TNRC18: variants seen among roughly 807,000 people sequenced by gnomAD.
TNRC18 encodes the protein trinucleotide repeat containing 18, also known as trinucleotide repeat-containing gene 18 protein.
A neutral mutation model predicts 226.7 loss-of-function variants in TNRC18; 69 were observed. The ratio of observed to expected loss-of-function variants is 0.30; its 90% CI spans 0.25 to 0.37. The LOEUF (loss-of-function observed/expected upper bound fraction) is 0.37. Ranked by LOEUF, TNRC18 falls within the 10% of genes least tolerant of loss-of-function variation. TNRC18 has a pLI of 1.00. For missense variants in TNRC18, 4,754 were observed against 4,256.6 expected, an observed-to-expected ratio of 1.12 and a Z score of -3.25; for synonymous variants, 2,449 against 1,927.6, an observed-to-expected ratio of 1.27 and a Z score of -7.09.
chr7:5,344,466 A>G (rs1336027951), intron 18 of TNRC18, among the ~76,000 whole-genome samples: 2 of 152,012 alleles, frequency 1.3e-5, no homozygotes, highest in African/African-American at 4.8e-5. Flanking sequence ...AGGGCATGAG[A>G]GCGAGGAGGG....
intron 11 of TNRC18, among the ~76,000 whole-genome samples, chr7:5,364,745 G>C (rs925451706): frequency 1.3e-5 from 2 of 149,980 alleles, no homozygotes; most frequent in Non-Finnish European, 3.0e-5. Context: ...CAGAGGTTGC[G>C]GGGAGGCATG....
intron 19 of TNRC18, 192 bp from the exon 20 acceptor site, chr7:5,325,440 T>C (rs1454449263): frequency 6.6e-6 from 4 of 605,864 alleles, no homozygotes; most frequent in Non-Finnish European, 1.1e-5. Context: ...TTTTTTTTTT[T>C]TGAGACGGAG....
Position 5,388,986 on chromosome 7 carries a change from C to G in TNRC18, c.838G>C (p.Val280Leu). 1.5e-6 allele frequency: 2 copies of G among 1,374,346 alleles called. No homozygotes were observed. Among genetic ancestry groups the G allele is most frequent in the South Asian group, 1.4e-5 (1 of 69,412 alleles). 85.1% of individuals were successfully genotyped at this position (1,374,346 alleles called of 1,614,324 possible). A position where few individuals can be genotyped will look rare whatever the true frequency, so the allele number is the denominator to read the frequency against. ...GCGCCGCCGTTGCACATGGTCAGTA[C>G]CGACGGCTGCAGCGCCGCATTCTTG... ...KTKNAALQPS[V>L]LTMCNGGAGD... The change falls in exon 5 of 30, where the codon GTA becomes CTA. Residue 280 changes from valine to leucine, a missense_variant. Physicochemically the swap from Val to Leu is conservative, Grantham distance 32 (BLOSUM62 1). Transcript: ENST00000430969.
chr7:5,413,987 C>G (rs1195105999), intron 2 of TNRC18, among the ~76,000 whole-genome samples: 1 of 152,204 alleles, frequency 6.6e-6, no homozygotes, highest in Admixed American at 6.5e-5. Flanking sequence ...GAGTCTCATT[C>G]TGTCTCCCAG....
chr7:5,334,031 G>A (rs1469303319), intron 18 of TNRC18, among the ~76,000 whole-genome samples: 2 of 152,160 alleles, frequency 1.3e-5, no homozygotes, highest in African/African-American at 2.4e-5. Flanking sequence ...CAGGACAGGG[G>A]CTCCAAGGTG....
chr7:5,313,035 G>A lies in TNRC18; in HGVS notation c.7856C>T (p.Ser2619Leu), dbSNP rs1390046805. 5 of 705,506 alleles carry A rather than the reference G, an allele frequency of 7.1e-6. No homozygotes were observed. Among genetic ancestry groups the A allele is most frequent in the Non-Finnish European group, 4.5e-6 (2 of 445,028 alleles). The allele number at this position is 705,506 out of a possible 1,614,324, so 43.7% of individuals were successfully genotyped here. ...AASPASSSSS[S>L]SSSSSSSSSS... ...GGAGGAGGAGGAGGAGGAGGAGGATGAGGAGGAGGAGGAGGAGGCCGGTGA... is the reference window on the plus strand; with the variant it reads ...GGAGGAGGAGGAGGAGGAGGAGGATAAGGAGGAGGAGGAGGAGGCCGGTGA... The change falls in exon 27 of 30, where the codon TCA becomes TTA. Residue 2619 changes from serine (S) to leucine (L), a missense_variant. By Grantham distance (145) the Ser-to-Leu change is moderately radical. Coordinates refer to ENST00000430969, the MANE Select transcript of TNRC18 (RefSeq NM_001080495.3).
Position 5,313,426 on chromosome 7 carries a change from C to A in TNRC18, c.7465G>T (p.Ala2489Ser). 1.2e-6 allele frequency: 2 copies of A among 1,607,646 alleles called. No homozygotes were observed. The highest frequency in any genetic ancestry group is 1.7e-6 in the Non-Finnish European group (2 of 1,177,654). ...EALLLREDPGAGGWQEPKSLL... is the reference protein window; with the variant it reads ...EALLLREDPGSGGWQEPKSLL... ...CTCTTGGGCTCCTGCCAGCCCCCCG[C>A]CCCCGGATCCTCCCGGAGCAGCAGG... Residue 2489 changes from alanine (A) to serine (S), a missense_variant, in exon 27 of 30, where the codon GCG becomes TCG. Physicochemically the swap from Ala to Ser is moderately conservative, Grantham distance 99. Transcript: ENST00000430969.
In TNRC18 at chr7:5,374,049, T is replaced by G; in HGVS notation, c.3229+6A>C. The G allele has an allele frequency of 6.5e-7, 1 of 1,549,336 alleles. No homozygotes were observed. The highest frequency in any genetic ancestry group is 8.7e-7 in the Non-Finnish European group (1 of 1,153,758). The stretch of plus-strand genomic sequence containing the variant: ...TGAGACCCTGAGGGTCTCAGCTGCA[T>G]CCTACCTGAGAACAGGGCCTGGAAG... On this transcript the variant is annotated splice_donor_region_variant and intron_variant, in intron 10 of 29. Coordinates refer to ENST00000430969, the MANE Select transcript of TNRC18 (RefSeq NM_001080495.3).
chr7:5,382,760 T>C (rs1779487048), intron 5 of TNRC18, among the ~76,000 whole-genome samples: 1 of 151,972 alleles, frequency 6.6e-6, no homozygotes, highest in Non-Finnish European at 1.5e-5. Flanking sequence ...CCGCTCAGCC[T>C]TGCCTCATCC....
At position 5,377,868 on chromosome 7, in the gene TNRC18, C is replaced by A. The variant is rs1779114229; in HGVS notation, c.2255+54G>T. 6.4e-7 allele frequency: 1 copy of A among 1,554,806 alleles called. No homozygotes were observed. Among genetic ancestry groups the A allele is most frequent in the Middle Eastern group, 1.7e-4 (1 of 5,952 alleles). ...CTGGGGTCATCCAGCTGCCCCTCAC[C>A]CCCAGGGGCTCCTAGATACCCCCTA... On this transcript the variant is annotated intron_variant, in intron 6 of 29. Transcript: ENST00000430969. The surrounding 1 kb of genome is among the most constrained non-coding windows in gnomAD (Gnocchi z 5.8).
chr7:5,333,550 C>G (rs71529393), intron 18 of TNRC18, among the ~76,000 whole-genome samples: 1 of 152,188 alleles, frequency 6.6e-6, no homozygotes, highest in African/African-American at 2.4e-5. Flanking sequence ...GCCACCCCAG[C>G]AGCCCTCCTC....
intron 21 of TNRC18, among the ~76,000 whole-genome samples, chr7:5,321,578 G>A (rs1487986865): frequency 2.0e-5 from 3 of 152,094 alleles, no homozygotes; most frequent in Non-Finnish European, 4.4e-5. Flanking sequence ...CACTCACAGC[G>A]ACGATCCTCC....
intron 18 of TNRC18, among the ~76,000 whole-genome samples, chr7:5,344,372 C>A (rs10268547): frequency 8.5e-5 from 13 of 152,112 alleles, no homozygotes; most frequent in Non-Finnish European, 1.9e-4. Context: ...TCTGTATGAA[C>A]AATACCTAAG....
rs1056170 is a variant in TNRC18 at position 5,324,413 on chromosome 7, T to C, written c.6301-58A>G. 2 of 1,587,434 alleles carry C rather than the reference T, an allele frequency of 1.3e-6. No individual in the cohort carries two copies. The highest frequency in any genetic ancestry group is 1.7e-5 in the Admixed American group (1 of 58,446). ...GGACCTGAACAGGGGTCCTGCCGGG[T>C]TGGGGACCCTCTCTGGAAACCTGGA... On this transcript the variant is annotated intron_variant, in intron 20 of 29. Coordinates refer to ENST00000430969, the MANE Select transcript of TNRC18 (RefSeq NM_001080495.3). The surrounding 1 kb of genome is among the most constrained non-coding windows in gnomAD (Gnocchi z 4.8).
At position 5,347,463 on chromosome 7, in the gene TNRC18, T is replaced by C. The variant is rs990607547; in HGVS notation, c.5471-1653A>G. On this transcript the variant is annotated intron_variant, in intron 17 of 29. Coordinates refer to ENST00000430969, the MANE Select transcript of TNRC18 (RefSeq NM_001080495.3). ...TGCCCGCCTCAGCCTCCCAAAGTGC[T>C]GGGATTACAGGCATGAGCCGCCACA... is the stretch of plus-strand genomic sequence containing the variant. Among the ~76,000 whole-genome samples, 33 of 150,886 alleles carry C rather than the reference T, an allele frequency of 2.2e-4. No individual in the cohort carries two copies. In the East Asian group the frequency reaches 6.6e-3, roughly 30 times the overall value.
At chr7:5,364,471 AC>A in intron 11 of TNRC18, among the ~76,000 whole-genome samples, 1 of 51,528 alleles carries the variant, frequency 1.9e-5, no homozygotes, top group Non-Finnish European at 4.4e-5. Context: ...AAACACACAC[AC>A]ACACACACAC....
intron 17 of TNRC18, among the ~76,000 whole-genome samples, chr7:5,348,797 C>T (rs2128142822): frequency 6.6e-6 from 1 of 152,214 alleles, no homozygotes; most frequent in Middle Eastern, 3.4e-3. Context: ...GCAGGCAGTG[C>T]ACACTTGCGA....
intron 18 of TNRC18, among the ~76,000 whole-genome samples, chr7:5,335,543 T>G (rs1357560320): frequency 1.3e-5 from 2 of 148,392 alleles, no homozygotes; most frequent in Non-Finnish European, 3.0e-5. Flanking sequence ...AGGCAGAGGT[T>G]GCAGTGAGCT....
intron 18 of TNRC18, among the ~76,000 whole-genome samples, chr7:5,334,907 C>T (rs985633144): frequency 6.6e-6 from 1 of 152,174 alleles, no homozygotes. Flanking sequence ...TTGGCACACA[C>T]AGCAGGGAAG....
Sources: allele counts gnomAD v4.1 joint callset (sites outside exome capture counted in the v4.1 genomes callset), GRCh38; gene constraint gnomAD v4.1.1; non-coding constraint Gnocchi (gnomAD v3.1); transcripts MANE v1.5; gene names NCBI Gene and HGNC (gene_info 2026-07-23, HGNC 2026-07-21).